The following FTO variants were observed in gnomAD, a reference collection of about 807,000 sequenced individuals.
FTO encodes alpha-ketoglutarate-dependent dioxygenase FTO.
In FTO, 47 loss-of-function variants were observed where a neutral mutation model predicts 63.9. The ratio of observed to expected loss-of-function variants is 0.74; its 90% CI spans 0.58 to 0.94. The LOEUF (loss-of-function observed/expected upper bound fraction) is 0.94, where lower values mean the gene tolerates loss of function less well. Among genes scored for constraint, FTO ranks in the 40% least tolerant of loss-of-function variants. The pLI, the probability that FTO is intolerant of heterozygous loss-of-function variation, is 0.00. For missense variants in FTO, 562 were observed against 618.1 expected (o/e 0.91, Z 0.96); for synonymous variants, 207 against 224.4 (o/e 0.92, Z 0.69).
At chr16:53,769,687 A>G (rs1435625363) in intron 1 of FTO, among the ~76,000 whole-genome samples, 1 of 152,110 alleles carries the variant, frequency 6.6e-6, no homozygotes, top group Admixed American at 6.6e-5. Flanking sequence ...GCTGCAACGT[A>G]CCCTAACTTG....
chr16:53,792,967 A>G (rs1053505428), intron 1 of FTO, among the ~76,000 whole-genome samples: 1 of 152,140 alleles, frequency 6.6e-6, no homozygotes, highest in African/African-American at 2.4e-5. Flanking sequence ...AAAATTATGG[A>G]CAGTATTTGA....
chr16:53,835,947 A>G (rs1644788396), intron 3 of FTO, among the ~76,000 whole-genome samples: 1 of 148,656 alleles, frequency 6.7e-6, no homozygotes, highest in African/African-American at 2.5e-5. Flanking sequence ...CTGGTGTGCA[A>G]TGGCACAATC....
intron 8 of FTO, among the ~76,000 whole-genome samples, chr16:54,105,176 T>C (rs567853932): frequency 2.6e-5 from 4 of 152,338 alleles, no homozygotes; most frequent in Admixed American, 6.5e-5. Flanking sequence ...AAGCTGAACA[T>C]GTATCTTTTA....
At chr16:53,705,558 G>GT (rs1328243491) in intron 1 of FTO, among the ~76,000 whole-genome samples, 2 of 152,138 alleles carry the variant, frequency 1.3e-5, no homozygotes, top group African/African-American at 2.4e-5. Context: ...CATCTTACAC[G>GT]TGAGTCTGTT....
intron 8 of FTO, among the ~76,000 whole-genome samples, chr16:54,060,871 C>T (rs895871909): frequency 1.3e-5 from 2 of 152,198 alleles, no homozygotes; most frequent in Admixed American, 6.5e-5. Context: ...TGCTAAATAA[C>T]TATCCTTCCC....
chr16:53,788,238 T>C (rs2077801633), intron 1 of FTO, among the ~76,000 whole-genome samples: 1 of 146,416 alleles, frequency 6.8e-6, no homozygotes. Context: ...TTCGTCTTTA[T>C]TCTTTCTCTA....
chr16:53,964,976 C>A (rs1396759213), intron 8 of FTO, among the ~76,000 whole-genome samples: 2 of 152,080 alleles, frequency 1.3e-5, no homozygotes, highest in Non-Finnish European at 1.5e-5. Context: ...AAGAGGAAAA[C>A]CTGAAAACAA....
intron 8 of FTO, among the ~76,000 whole-genome samples, chr16:53,967,666 G>C (rs1181985426): frequency 1.3e-5 from 2 of 152,226 alleles, no homozygotes; most frequent in Admixed American, 1.3e-4. Flanking sequence ...GGGTTGTGTT[G>C]CACTGGGTGT....
intron 3 of FTO, among the ~76,000 whole-genome samples, chr16:53,836,960 G>A (rs758373414): frequency 3.9e-5 from 6 of 152,106 alleles, no homozygotes; most frequent in East Asian, 1.9e-4. Context: ...AACCCAGTTC[G>A]GTTCTGGTTT....
In FTO at chr16:53,879,876, A is replaced by G. The variant is rs765700486; in HGVS notation, c.1008A>G (p.Gln336=). The change falls in exon 6 of 9, where the codon CAA becomes CAG. Residue 336 remains glutamine, a synonymous_variant. Coordinates refer to ENST00000471389, the MANE Select transcript of FTO (RefSeq NM_001080432.3). ...CAGGAACCTTGGATTATATTTTACA[A>G]CGCTGTCAGTTGGCTCTGCAGAATG... ...CSTGTLDYIL[Q]RCQLALQNVC... 70 of 1,613,978 alleles carry G rather than the reference A, an allele frequency of 4.3e-5. 1 individual carries two copies. In the Middle Eastern group the frequency reaches 8.2e-4, roughly 19 times the overall value.
At chr16:54,057,559 G>GT (rs1434948389) in intron 8 of FTO, among the ~76,000 whole-genome samples, 4 of 152,080 alleles carry the variant, frequency 2.6e-5, no homozygotes, top group African/African-American at 9.7e-5. Flanking sequence ...TGCCACCCAG[G>GT]TTCAAGTTAT....
chr16:53,824,793 A>G (rs368761177), intron 2 of FTO, among the ~76,000 whole-genome samples: 1 of 152,188 alleles, frequency 6.6e-6, no homozygotes, highest in African/African-American at 2.4e-5. Context: ...CTAGGGAGGA[A>G]CAAATCAGAT....
Position 54,115,837 on chromosome 16 carries a change from A to G in FTO, c.*3922A>G, listed in dbSNP as rs2086971361. Reference sequence around the variant, plus strand: ...ATCTGGATTCCAGAGGGTCTCTGAGAGAGCAAACAGCTTAATCCAAAGGAG... The same window carrying G: ...ATCTGGATTCCAGAGGGTCTCTGAGGGAGCAAACAGCTTAATCCAAAGGAG... On this transcript the variant is annotated 3_prime_UTR_variant, in exon 9 of 9. Transcript: ENST00000471389. The G allele has an allele frequency of 6.6e-6, 1 of 152,226 alleles. No individual in the cohort carries two copies. Among genetic ancestry groups the G allele is most frequent in the Non-Finnish European group, 1.5e-5 (1 of 68,060 alleles). 9.4% of individuals were successfully genotyped at this position (152,226 alleles called of 1,614,324 possible).
intron 8 of FTO, among the ~76,000 whole-genome samples, chr16:54,000,382 T>C (rs1599175855): frequency 6.6e-6 from 1 of 152,214 alleles, no homozygotes; most frequent in Non-Finnish European, 1.5e-5. Context: ...GGAAATCTTC[T>C]TGGCATTTGA....
intron 8 of FTO, among the ~76,000 whole-genome samples, chr16:54,076,785 G>A (rs1454409140): frequency 1.3e-5 from 2 of 152,118 alleles, no homozygotes; most frequent in Non-Finnish European, 2.9e-5. Context: ...AGGCATGAAA[G>A]GCCAGGGTAA....
intron 1 of FTO, among the ~76,000 whole-genome samples, chr16:53,731,493 C>G (rs981720769): frequency 1.3e-5 from 2 of 152,182 alleles, no homozygotes; most frequent in African/African-American, 2.4e-5. Flanking sequence ...AGGGAATTAT[C>G]TTGTTCATGC....
intron 7 of FTO, among the ~76,000 whole-genome samples, chr16:53,894,088 G>T (rs142395213): frequency 6.6e-6 from 1 of 152,316 alleles, no homozygotes; most frequent in African/African-American, 2.4e-5. Flanking sequence ...AAATGAGTAG[G>T]TGTTTTATTT....
chr16:53,743,157 C>G (rs1339671739), intron 1 of FTO, among the ~76,000 whole-genome samples: 3 of 152,062 alleles, frequency 2.0e-5, no homozygotes, highest in Non-Finnish European at 4.4e-5. Context: ...TTGAAATGCC[C>G]CTTCATTTGC....
At chr16:53,813,636 C>T (rs888812132) in intron 2 of FTO, among the ~76,000 whole-genome samples, 5 of 152,200 alleles carry the variant, frequency 3.3e-5, no homozygotes, top group Admixed American at 3.3e-4. Context: ...TCAGACCTGA[C>T]ACTGGGTCCC....
Sources: allele counts gnomAD v4.1 joint callset (sites outside exome capture counted in the v4.1 genomes callset), GRCh38; gene constraint gnomAD v4.1.1; transcripts MANE v1.5; gene names NCBI Gene and HGNC (gene_info 2026-07-23, HGNC 2026-07-21).